SBF2: variants seen among roughly 807,000 people sequenced by gnomAD.
SBF2 encodes the protein myotubularin-related protein 13.
A neutral mutation model predicts 225.2 loss-of-function variants in SBF2; 112 were observed. The ratio of observed to expected loss-of-function variants is 0.50; its 90% CI spans 0.43 to 0.58. The LOEUF is 0.58. SBF2 is among the 20% of genes least tolerant of loss of function. The pLI, the probability that SBF2 is intolerant of heterozygous loss-of-function variation, is 0.00. For missense variants in SBF2, 1,996 were observed against 2,206.2 expected (o/e 0.90, Z 1.91); for synonymous variants, 763 against 773.3 (o/e 0.99, Z 0.22).
intron 13 of SBF2, among the ~76,000 whole-genome samples, chr11:9,969,347 C>G (rs1867175236): frequency 6.6e-6 from 1 of 152,236 alleles, no homozygotes; most frequent in African/African-American, 2.4e-5. Context: ...TCATTCAACA[C>G]TGCAGACTAT....
intron 1 of SBF2, among the ~76,000 whole-genome samples, chr11:10,263,710 G>GA (rs1961667518): frequency 6.6e-6 from 1 of 152,096 alleles, no homozygotes; most frequent in Non-Finnish European, 1.5e-5. Flanking sequence ...CATTCACCCG[G>GA]AAAAATGACA....
chr11:10,050,841 G>T (rs1278189728), intron 2 of SBF2, among the ~76,000 whole-genome samples: 4 of 152,090 alleles, frequency 2.6e-5, no homozygotes, highest in Admixed American at 2.6e-4. Flanking sequence ...TACTCAGATG[G>T]TGCATAATTT....
intron 1 of SBF2, among the ~76,000 whole-genome samples, chr11:10,203,391 T>C (rs535246736): frequency 6.6e-6 from 1 of 152,116 alleles, no homozygotes; most frequent in Non-Finnish European, 1.5e-5. Flanking sequence ...TGCCTCAGTG[T>C]GAAAAATTAA....
intron 25 of SBF2, among the ~76,000 whole-genome samples, chr11:9,842,405 T>C (rs1856223858): frequency 6.6e-6 from 1 of 152,212 alleles, no homozygotes; most frequent in Non-Finnish European, 1.5e-5. Context: ...CAATTAGCTG[T>C]ATGAATTTAG....
At chr11:10,011,263 A>G (rs891711560) in intron 6 of SBF2, among the ~76,000 whole-genome samples, 6 of 152,030 alleles carry the variant, frequency 3.9e-5, no homozygotes, top group Admixed American at 3.9e-4. Flanking sequence ...GTCTCACTCC[A>G]TCACCCAGGC....
chr11:9,955,854 T>C (rs868307468), intron 16 of SBF2, among the ~76,000 whole-genome samples: 2 of 142,100 alleles, frequency 1.4e-5, no homozygotes, highest in Non-Finnish European at 3.2e-5. Context: ...ATATTTTGTT[T>C]CTTATTACCT....
At chr11:9,995,907 G>A (rs760947289) in intron 9 of SBF2, among the ~76,000 whole-genome samples, 7 of 150,110 alleles carry the variant, frequency 4.7e-5, no homozygotes, top group East Asian at 2.0e-4. Context: ...TGATCCGCCC[G>A]CCTCAGTCTT....
intron 2 of SBF2, among the ~76,000 whole-genome samples, chr11:10,108,302 T>G (rs1010772109): frequency 6.6e-6 from 1 of 152,074 alleles, no homozygotes; most frequent in African/African-American, 2.4e-5. Flanking sequence ...AATCAGACAG[T>G]TTACAATTAG....
At chr11:9,832,786 A>G (rs749453093) in intron 26 of SBF2, among the ~76,000 whole-genome samples, 1 of 152,188 alleles carries the variant, frequency 6.6e-6, no homozygotes, top group Non-Finnish European at 1.5e-5. Flanking sequence ...TGAATTCTTC[A>G]GGGATTGAGA....
intron 6 of SBF2, among the ~76,000 whole-genome samples, chr11:10,021,932 CT>C (rs1309538083): frequency 6.6e-6 from 1 of 152,194 alleles, no homozygotes; most frequent in Admixed American, 6.5e-5. Context: ...GCTTCCTTAT[CT>C]TTTCCCCATT....
intron 16 of SBF2, among the ~76,000 whole-genome samples, chr11:9,933,666 A>G (rs1313898841): frequency 6.6e-6 from 1 of 152,256 alleles, no homozygotes; most frequent in Non-Finnish European, 1.5e-5. Context: ...AGCAGTGTGT[A>G]GAGGGAAATT....
intron 1 of SBF2, among the ~76,000 whole-genome samples, chr11:10,214,125 G>A (rs367931406): frequency 9.9e-5 from 15 of 152,080 alleles, no homozygotes; most frequent in African/African-American, 3.6e-4. Flanking sequence ...TGACATTTTG[G>A]GCCAGGTAAC....
At chr11:10,261,550 A>G (rs1961433882) in intron 1 of SBF2, among the ~76,000 whole-genome samples, 2 of 152,328 alleles carry the variant, frequency 1.3e-5, no homozygotes, top group African/African-American at 2.4e-5. Flanking sequence ...ATGGTATACC[A>G]CTTTGGGAAA....
chr11:9,985,661 G>A (rs1947170358), intron 13 of SBF2, among the ~76,000 whole-genome samples: 1 of 152,244 alleles, frequency 6.6e-6, no homozygotes, highest in Admixed American at 6.5e-5. Flanking sequence ...AAACTGTAAA[G>A]CAACAGTGGT....
At chr11:10,195,876 C>A (rs531216377) in intron 1 of SBF2, among the ~76,000 whole-genome samples, 3 of 152,142 alleles carry the variant, frequency 2.0e-5, no homozygotes, top group Non-Finnish European at 4.4e-5. Context: ...AGTAAACCAA[C>A]TTTTTATCAT....
intron 13 of SBF2, among the ~76,000 whole-genome samples, chr11:9,971,508 A>C (rs1423216050): frequency 6.6e-6 from 1 of 151,964 alleles, no homozygotes; most frequent in African/African-American, 2.4e-5. Flanking sequence ...GTGAGACCCC[A>C]TTTCTACAAA....
rs373160903 is a variant in SBF2, at chr11:10,105,198, C to A, written c.142-62217G>T. ...CGCTGTAAGGGTTCAAAAGAAAACACTGTGTCTTGAAAGGACTGATACAGT... is the reference window on the plus strand; with the variant it reads ...CGCTGTAAGGGTTCAAAAGAAAACAATGTGTCTTGAAAGGACTGATACAGT... On this transcript the variant is annotated intron_variant, in intron 2 of 39. Transcript: ENST00000256190. Among the ~76,000 whole-genome samples the A allele has an allele frequency of 9.9e-5, 15 of 152,250 alleles. No homozygotes were observed. The East Asian group carries it at 2.1e-3, about 22-fold the overall frequency.
intron 16 of SBF2, among the ~76,000 whole-genome samples, chr11:9,941,223 G>C (rs1865231627): frequency 6.6e-6 from 1 of 152,172 alleles, no homozygotes; most frequent in African/African-American, 2.4e-5. Flanking sequence ...AGTGAGGTGG[G>C]AGGATCACTT....
Position 9,845,679 on chromosome 11 carries a change from T to C in SBF2, c.2996A>G (p.Gln999Arg), listed in dbSNP as rs1420161648. Residue 999 changes from glutamine to arginine, a missense_variant, in exon 24 of 40, where the codon CAG (glutamine) becomes CGG (arginine). By Grantham distance (43) the Gln-to-Arg change is conservative. Coordinates refer to ENST00000256190, the MANE Select transcript of SBF2 (RefSeq NM_030962.4). ...CTGAGGATAACGGAACTTCATCAGC[T>C]GTTTCTTAAAGATCTCTACTACTTC... ...SPEVVEIFKK[Q>R]LMKFRYPQSI... 3 of 1,613,828 alleles carry C rather than the reference T, an allele frequency of 1.9e-6. No homozygotes were observed. Among genetic ancestry groups the C allele is most frequent in the African/African-American group, 1.3e-5 (1 of 74,922 alleles).
Sources: gnomAD v4.1 joint callset for allele counts (sites outside exome capture counted in the v4.1 genomes callset) on GRCh38, gnomAD v4.1.1 for gene constraint, MANE v1.5 for transcripts, NCBI Gene and HGNC (gene_info 2026-07-23, HGNC 2026-07-21) for gene names.